Variants in ZNF674 observed in about 807,000 individuals in gnomAD.
ZNF674 encodes zinc finger protein 674.
A neutral mutation model predicts 7.0 loss-of-function variants in ZNF674; 2 were observed. That is an observed-to-expected ratio of 0.29 (90% CI 0.12 to 0.90). The LOEUF (loss-of-function observed/expected upper bound fraction) is 0.90, where lower values mean the gene tolerates loss of function less well. ZNF674 is among the 40% of genes least tolerant of loss of function. ZNF674 has a pLI of 0.57. For synonymous variants in ZNF674, 103 were observed against 145.2 expected, an observed-to-expected ratio of 0.71 and a Z score of 2.09; for missense variants, 297 against 415.5, an observed-to-expected ratio of 0.71 and a Z score of 2.48.
At chrX:46,502,645 A>G (rs1465334204) in intron 5 of ZNF674, among the ~76,000 whole-genome samples, 1 of 112,050 alleles carries the variant, frequency 8.9e-6, no homozygotes, top group Non-Finnish European at 1.9e-5. Context: ...AGTCTCTAAT[A>G]GGCTTCCCTT....
Position 46,506,109 on chromosome X carries a change from C to T in ZNF674, c.239-4774G>A, listed in dbSNP as rs189025440. Among the ~76,000 whole-genome samples, 387 of 112,473 alleles carry T rather than the reference C, an allele frequency of 3.4e-3. 2 individuals are homozygous for T. Among genetic ancestry groups the T allele is most frequent in the Non-Finnish European group, 5.9e-3 (315 of 53,244 alleles). On this transcript the variant is annotated intron_variant, in intron 5 of 5. Transcript: ENST00000683375. The stretch of plus-strand genomic sequence containing the variant: ...AAAGTGTTAACACAGCAGAACTGAT[C>T]TTTAGAAGGACCTGCTCACAGGGCT...
At chrX:46,510,718 G>A (rs1314476654) in intron 5 of ZNF674, among the ~76,000 whole-genome samples, 1 of 112,399 alleles carries the variant, frequency 8.9e-6, no homozygotes, top group African/African-American at 3.2e-5. Flanking sequence ...TTGAACCCAG[G>A]AGGCGGAGGT....
intron 3 of ZNF674, among the ~76,000 whole-genome samples, chrX:46,534,490 T>C (rs1457154139): frequency 9.1e-6 from 1 of 110,309 alleles, no homozygotes. Flanking sequence ...CCCCGCAAAG[T>C]ATCTGGGACT....
rs756969719 is a variant in ZNF674, at chrX:46,500,441, T to C, written c.1133A>G (p.Asn378Ser). The change falls in exon 6 of 6, where the codon AAC (asparagine) becomes AGC (serine). Residue 378 changes from asparagine to serine, a missense_variant. Coordinates refer to ENST00000683375, the MANE Select transcript of ZNF674 (RefSeq NM_001190417.2). ...TKHWRTHTKE[N>S]IYECSKCGKS... is the part of the protein sequence containing the mutation. ...CCCACATTTACTACACTCATAAATG[T>C]TCTCTTTTGTATGAGTTCTCCAATG... 8 of 1,210,283 alleles carry C rather than the reference T, an allele frequency of 6.6e-6. No homozygotes were observed. In the South Asian group the frequency reaches 1.2e-4, roughly 19 times the overall value.
intron 3 of ZNF674, among the ~76,000 whole-genome samples, chrX:46,539,783 CATA>C (rs1942259603): frequency 8.9e-6 from 1 of 112,187 alleles, no homozygotes; most frequent in Admixed American, 9.5e-5. Context: ...TGATCAGAAC[CATA>C]ATGACAATAG....
chrX:46,525,323 C>A (rs978418895), intron 5 of ZNF674: 13 of 269,912 alleles, frequency 4.8e-5, no homozygotes, highest in Non-Finnish European at 9.1e-5. Context: ...CAAAAAGAGG[C>A]CGGGCATGGT....
At chrX:46,524,690 GAAAAAAAGAAAAAAA>G (rs1277579284) in intron 5 of ZNF674, among the ~76,000 whole-genome samples, 4 of 78,322 alleles carry the variant, frequency 5.1e-5, no homozygotes, top group Non-Finnish European at 9.9e-5. Context: ...GTCTCGAAAA[GAAAAAAAGAAAAAAA>G]AAAAAAAGAA....
chrX:46,503,621 G>A (rs1305541085), intron 5 of ZNF674, among the ~76,000 whole-genome samples: 1 of 111,812 alleles, frequency 8.9e-6, no homozygotes, highest in Non-Finnish European at 1.9e-5. Flanking sequence ...ACAGAGATGT[G>A]TTGAAAATAA....
At position 46,523,317 on chromosome X, in the gene ZNF674, A is replaced by C. The variant is rs762982618; in HGVS notation, c.238+5033T>G. ...AATAATAAGGAAATCTTATGAAAAA[A>C]ACTTTATTTTATTTTATTTCTTTAT... On this transcript the variant is annotated intron_variant, in intron 5 of 5. Coordinates refer to ENST00000683375, the MANE Select transcript of ZNF674 (RefSeq NM_001190417.2). 1.2e-3 allele frequency: 140 copies of C among 116,631 alleles called. 1 individual carries two copies. The highest frequency in any genetic ancestry group is 4.4e-3 in the African/African-American group (135 of 30,884). The allele number at this position is 116,631 out of a possible 1,213,427, so 9.6% of individuals were successfully genotyped here.
intron 3 of ZNF674, among the ~76,000 whole-genome samples, chrX:46,540,222 C>T (rs1390690252): frequency 2.3e-4 from 25 of 107,551 alleles, no homozygotes; most frequent in African/African-American, 6.1e-4. Context: ...CCAGCCTGGG[C>T]GACAGAGCGA....
intron 3 of ZNF674, among the ~76,000 whole-genome samples, chrX:46,540,867 C>T (rs1257114869): frequency 9.2e-6 from 1 of 109,212 alleles, no homozygotes; most frequent in East Asian, 2.9e-4. Flanking sequence ...AGTTCGAGAC[C>T]AGCCTGGCCA....
chrX:46,544,877 C>T (rs1031768577), intron 1 of ZNF674, among the ~76,000 whole-genome samples: 1 of 111,924 alleles, frequency 8.9e-6, no homozygotes, highest in Non-Finnish European at 1.9e-5. Context: ...TGAGCCGGTT[C>T]TCCGTGTTGC....
chrX:46,528,623 G>A (rs757067550), intron 4 of ZNF674, among the ~76,000 whole-genome samples, 160 bp downstream of exon 4: 12 of 111,544 alleles, frequency 1.1e-4, no homozygotes, highest in Non-Finnish European at 1.7e-4. Flanking sequence ...GCTCTCCAGT[G>A]TCCAAAGGAG....
chrX:46,508,242 T>C (rs979155373), intron 5 of ZNF674, among the ~76,000 whole-genome samples: 1 of 111,253 alleles, frequency 9.0e-6, no homozygotes, highest in East Asian at 2.8e-4. Flanking sequence ...ATCCAGATGG[T>C]TTTGAAAATG....
At chrX:46,530,884 G>A (rs1942097314) in intron 3 of ZNF674, among the ~76,000 whole-genome samples, 2 of 112,057 alleles carry the variant, frequency 1.8e-5, no homozygotes, top group Admixed American at 1.9e-4. Flanking sequence ...TGATCACCAA[G>A]GGCCAATGAT....
chrX:46,500,219 A>G lies in ZNF674; in HGVS notation c.1355T>C (p.Ile452Thr). The change falls in exon 6 of 6, where the codon ATT becomes ACT. Residue 452 changes from isoleucine (I) to threonine (T), a missense_variant. Transcript: ENST00000683375. ...GKAFGEKSTL[I>T]VHQRMHTGEK... ...TCCTGTATGCATTCTCTGATGTACA[A>G]TAAGGGTTGACTTCTCCCCAAAGGC... is the stretch of plus-strand genomic sequence containing the variant. 5.0e-6 allele frequency: 6 copies of G among 1,210,444 alleles called. No homozygotes were observed. The highest frequency in any genetic ancestry group is 4.5e-6 in the Non-Finnish European group (4 of 895,059).
At chrX:46,527,167 G>C (rs1286930796) in intron 5 of ZNF674, among the ~76,000 whole-genome samples, 2 of 109,892 alleles carry the variant, frequency 1.8e-5, no homozygotes, top group East Asian at 5.7e-4. Context: ...GGGAGGCTGA[G>C]GCAGGAGACT....
chrX:46,524,731 C>T (rs1466590259), intron 5 of ZNF674, among the ~76,000 whole-genome samples: 1 of 109,060 alleles, frequency 9.2e-6, no homozygotes, highest in African/African-American at 3.3e-5. Context: ...TGCAAATTGA[C>T]TAGGCATGGT....
intron 5 of ZNF674, chrX:46,525,236 T>C: frequency 6.9e-6 from 1 of 144,336 alleles, no homozygotes; most frequent in Non-Finnish European, 1.4e-5. Context: ...TGCCCTAAAA[T>C]CAGGAATAAA....
Sources: gnomAD v4.1 joint callset for allele counts (sites outside exome capture counted in the v4.1 genomes callset) on GRCh38, gnomAD v4.1.1 for gene constraint, MANE v1.5 for transcripts, NCBI Gene and HGNC (gene_info 2026-07-23, HGNC 2026-07-21) for gene names.